GCA: variants seen among roughly 807,000 people sequenced by gnomAD.
GCA encodes grancalcin, EF-hand calcium-binding protein.
In GCA, 30 loss-of-function variants were observed where a neutral mutation model predicts 32.6. The observed-to-expected ratio is 0.92, with a 90% CI of 0.69 to 1.25. GCA has a LOEUF of 1.25. GCA is among the 50% of genes most tolerant of loss of function. The pLI, the probability that GCA is intolerant of heterozygous loss-of-function variation, is 0.00. For missense variants in GCA, 291 were observed against 266.8 expected (o/e 1.09, Z -0.63); for synonymous variants, 102 against 84.6 (o/e 1.21, Z -1.13).
intron 1 of GCA, among the ~76,000 whole-genome samples, chr2:162,322,436 T>C (rs896155897): frequency 9.9e-5 from 15 of 151,318 alleles, no homozygotes; most frequent in African/African-American, 3.4e-4. Flanking sequence ...CTTTAAGTTT[T>C]AGGGTACATG....
chr2:162,322,568 C>T (rs896199713), intron 1 of GCA, among the ~76,000 whole-genome samples: 8 of 121,618 alleles, frequency 6.6e-5, no homozygotes, highest in African/African-American at 2.5e-4. Context: ...TCCCCCCACC[C>T]CACAACAGTC....
chr2:162,364,428 C>A (rs1412538854), downstream of GCA, among the ~76,000 whole-genome samples: 1 of 151,374 alleles, frequency 6.6e-6, no homozygotes, highest in Non-Finnish European at 1.5e-5. Flanking sequence ...TATATTATGG[C>A]AAGAGATAAT....
intron 1 of GCA, among the ~76,000 whole-genome samples, chr2:162,335,021 C>A (rs1684222638): frequency 6.6e-6 from 1 of 152,196 alleles, no homozygotes; most frequent in East Asian, 1.9e-4. Context: ...TCCTCATCCT[C>A]AAACTATCTT....
chr2:162,374,405 A>AAT (rs754530693), downstream of GCA, among the ~76,000 whole-genome samples: 2 of 152,166 alleles, frequency 1.3e-5, no homozygotes. Flanking sequence ...AAAATAGCAA[A>AAT]ATATAATTGG....
chr2:162,359,338 T>G, intron 6 of GCA, 156 bp from the exon 7 acceptor site: 1 of 590,528 alleles, frequency 1.7e-6, no homozygotes, highest in Non-Finnish European at 3.0e-6. Flanking sequence ...GTTATGTTAT[T>G]TTTGGAAGTT....
upstream of GCA, chr2:162,318,916 GT>G (rs1683571864): frequency 4.5e-6 from 1 of 219,906 alleles, no homozygotes; most frequent in Non-Finnish European, 9.6e-6. Context: ...TTCCCAGCAG[GT>G]TCTGCCTTAA....
chr2:162,352,703 TTA>T (rs1340503875), intron 3 of GCA, among the ~76,000 whole-genome samples: 1 of 152,180 alleles, frequency 6.6e-6, no homozygotes, highest in East Asian at 1.9e-4. Context: ...TTTTTGGATT[TTA>T]TGATTATCTA....
chr2:162,319,446 C>A (rs1683587566), intron 1 of GCA: 5 of 230,236 alleles, frequency 2.2e-5, no homozygotes, highest in Non-Finnish European at 4.5e-5. Flanking sequence ...TAAAACAAAA[C>A]AAAAAAATCC....
chr2:162,320,486 G>C (rs762882822), intron 1 of GCA, among the ~76,000 whole-genome samples: 3 of 152,140 alleles, frequency 2.0e-5, no homozygotes, highest in Non-Finnish European at 4.4e-5. Flanking sequence ...CTGTTTCTTG[G>C]TTTCAAACAT....
At chr2:162,359,221 C>T (rs1426642435) in intron 6 of GCA, 64 bp downstream of exon 6, 5 of 872,872 alleles carry the variant, frequency 5.7e-6, no homozygotes, top group Non-Finnish European at 7.6e-6. Context: ...TAATGTGTCT[C>T]ATTTCCTCCA....
At chr2:162,348,927 C>A (rs1194487423) in intron 2 of GCA, among the ~76,000 whole-genome samples, 1 of 151,904 alleles carries the variant, frequency 6.6e-6, no homozygotes, top group Non-Finnish European at 1.5e-5. Context: ...ATGCCAATGT[C>A]TTCCAAATTA....
intron 4 of GCA, among the ~76,000 whole-genome samples, chr2:162,370,985 T>C (rs976761480): frequency 2.9e-4 from 44 of 152,100 alleles, no homozygotes; most frequent in Non-Finnish European, 5.9e-4. Context: ...AGGCTGTATG[T>C]CCGCTCAGGA....
upstream of GCA, among the ~76,000 whole-genome samples, chr2:162,341,747 G>T (rs1684459466): frequency 6.6e-6 from 1 of 152,182 alleles, no homozygotes; most frequent in Non-Finnish European, 1.5e-5. Context: ...TATGGTTGGG[G>T]ATGGAGAGAA....
At position 162,359,024 on chromosome 2, in the gene GCA, T is replaced by G. The variant is rs749710549; in HGVS notation, c.455-20T>G. ...CTTATGTTATTTACATTTAGAAGTT[T>G]TAATTTATCTCTTTTTTAGGTTATA... On this transcript the variant is annotated intron_variant, in intron 5 of 7. Coordinates refer to ENST00000437150, the MANE Select transcript of GCA (RefSeq NM_012198.5). The G allele has an allele frequency of 1.7e-6, 2 of 1,182,672 alleles. No individual in the cohort carries two copies. Among genetic ancestry groups the G allele is most frequent in the East Asian group, 4.7e-5 (2 of 42,148 alleles). The allele number at this position is 1,182,672 out of a possible 1,614,324, so 73.3% of individuals were successfully genotyped here. A position where few individuals can be genotyped will look rare whatever the true frequency, so the allele number is the denominator to read the frequency against.
rs1683697314 is a variant in GCA at position 162,322,215 on chromosome 2, C to A, written c.-31+2990C>A. ...CACATATAAAAACTTTTCTACATAGCAGTTTTGGCAAAAAATGAAAGTCAC... is the reference window on the plus strand; with the variant it reads ...CACATATAAAAACTTTTCTACATAGAAGTTTTGGCAAAAAATGAAAGTCAC... On this transcript the variant is annotated intron_variant, in intron 1 of 4. Transcript: ENST00000429691. Among the ~76,000 whole-genome samples, 6 of 150,844 alleles carry A rather than the reference C, an allele frequency of 4.0e-5. No individual in the cohort carries two copies. The South Asian group carries it at 1.0e-3, about 26-fold the overall frequency.
chr2:162,353,013 A>G (rs1685078182), intron 3 of GCA, among the ~76,000 whole-genome samples: 1 of 152,100 alleles, frequency 6.6e-6, no homozygotes, highest in South Asian at 2.1e-4. Context: ...GCAGTTTTTT[A>G]TGTGTAGCTG....
chr2:162,353,457 ACAT>A (rs1308715489), intron 3 of GCA, among the ~76,000 whole-genome samples: 1 of 152,198 alleles, frequency 6.6e-6, no homozygotes, highest in Non-Finnish European at 1.5e-5. Context: ...ACAGAGTGAG[ACAT>A]CATCTCAAAA....
At chr2:162,346,436 G>A (rs180694877) in intron 1 of GCA, 5 of 152,124 alleles carry the variant, frequency 3.3e-5, no homozygotes, top group East Asian at 1.9e-4. Flanking sequence ...TCCCCTTATC[G>A]AAAGGCACAG....
intron 1 of GCA, among the ~76,000 whole-genome samples, chr2:162,332,133 C>T (rs1231959489): frequency 2.0e-5 from 3 of 151,606 alleles, no homozygotes; most frequent in Non-Finnish European, 4.4e-5. Flanking sequence ...CATGGTGAAA[C>T]CCTGTCTCTA....
Sources: gnomAD v4.1 joint callset for allele counts (sites outside exome capture counted in the v4.1 genomes callset) on GRCh38, gnomAD v4.1.1 for gene constraint, MANE v1.5 for transcripts, NCBI Gene and HGNC (gene_info 2026-07-23, HGNC 2026-07-21) for gene names.